The following PIK3IP1 variants were observed in gnomAD, a reference collection of about 807,000 sequenced individuals.
PIK3IP1 encodes phosphoinositide-3-kinase-interacting protein 1.
PIK3IP1 carries 28 observed loss-of-function variants against 30.7 expected under a neutral mutation model. That is an observed-to-expected ratio of 0.91 (90% CI 0.68 to 1.25). PIK3IP1 has a LOEUF of 1.25. PIK3IP1 is among the 50% of genes most tolerant of loss of function. The pLI is 0.00. For missense variants in PIK3IP1, 333 were observed against 346.2 expected, an observed-to-expected ratio of 0.96 and a Z score of 0.30; for synonymous variants, 159 against 140.8, an observed-to-expected ratio of 1.13 and a Z score of -0.91.
chr22:31,286,373 C>T (rs1474027430), intron 5 of PIK3IP1, among the ~76,000 whole-genome samples: 1 of 152,150 alleles, frequency 6.6e-6, no homozygotes, highest in East Asian at 1.9e-4. Flanking sequence ...CACCTGAACC[C>T]ACACTCAACC....
At position 31,291,273 on chromosome 22, in the gene PIK3IP1, G is replaced by A; in HGVS notation, c.94C>T (p.Leu32=). Residue 32 remains leucine, a synonymous_variant, in exon 2 of 6, where the codon CTG becomes TTG. Transcript: ENST00000215912. ...SGGCFWDNGH[L]YREDQTSPAP... ...GGGGAGGTCTGGTCCTCCCGGTACA[G>A]GTGGCCGTTGTCCCAGAAACAGCCT... The A allele has an allele frequency of 6.4e-7, 1 of 1,555,972 alleles. No individual in the cohort carries two copies.
Position 31,281,820 on chromosome 22 carries a change from A to G in PIK3IP1, c.*1264T>C, listed in dbSNP as rs2049091503. On this transcript the variant is annotated 3_prime_UTR_variant, in exon 6 of 6. Coordinates refer to ENST00000215912, the MANE Select transcript of PIK3IP1 (RefSeq NM_052880.5). ...GAAAGCCCCACTAACCCGTCTCCAC[A>G]TTGGGCAGTGGAAGGGTTCTGGAAA... 1 of 152,656 alleles carries G rather than the reference A, an allele frequency of 6.6e-6. No homozygotes were observed. Among genetic ancestry groups the G allele is most frequent in the Non-Finnish European group, 1.5e-5 (1 of 68,046 alleles). The allele number at this position is 152,656 out of a possible 1,614,324, so 9.5% of individuals were successfully genotyped here.
intron 5 of PIK3IP1, among the ~76,000 whole-genome samples, chr22:31,287,022 T>TTC (rs1274641000): frequency 6.9e-6 from 1 of 145,440 alleles, no homozygotes; most frequent in Non-Finnish European, 1.5e-5. Context: ...CACTTTTTTT[T>TTC]TTTTTTTTTT....
At position 31,283,223 on chromosome 22, in the gene PIK3IP1, A is replaced by G. The variant is rs747116792; in HGVS notation, c.653T>C (p.Leu218Pro). ...VCEREMQRIT[L>P]PLSAFTNPTC... ...GGGGTTGGTGAAGGCAGACAAGGGC[A>G]GAGTGATTCGCTGCATCTCCCTCTC... The change falls in exon 6 of 6, where the codon CTG becomes CCG. Residue 218 changes from leucine (L) to proline (P), a missense_variant. Physicochemically the swap from Leu to Pro is moderately conservative, Grantham distance 98 (BLOSUM62 -3). Coordinates refer to ENST00000215912, the MANE Select transcript of PIK3IP1 (RefSeq NM_052880.5). 1.2e-6 allele frequency: 2 copies of G among 1,614,228 alleles called. No individual in the cohort carries two copies.
At position 31,291,079 on chromosome 22, in the gene PIK3IP1, C is replaced by T. The variant is rs202173016; in HGVS notation, c.193G>A (p.Gly65Ser). 2.6e-3 allele frequency: 4,044 copies of T among 1,553,466 alleles called. 43 individuals are homozygous for T. Among genetic ancestry groups the T allele is most frequent in the Middle Eastern group, 0.023 (136 of 5,980 alleles). ...GLASAPVSGA[G>S]NHSYCRNPDE... ...GGGTTTCGGCAGTAACTGTGATTGC[C>T]GGCCCCTAAGAGAGGAGAGAAGGAA... is the stretch of plus-strand genomic sequence containing the variant. The change falls in exon 3 of 6, where the codon GGC (glycine) becomes AGC (serine). Residue 65 changes from glycine to serine, a missense_variant. Physicochemically the swap from Gly to Ser is moderately conservative, Grantham distance 56. This residue lies in a region of PIK3IP1 where 111 missense variants were observed against 100.1 expected (regional missense o/e 1.11). Transcript: ENST00000215912.
chr22:31,286,480 T>C (rs2049131509), intron 5 of PIK3IP1, among the ~76,000 whole-genome samples: 1 of 152,190 alleles, frequency 6.6e-6, no homozygotes, highest in African/African-American at 2.4e-5. Context: ...TGTTGTACAG[T>C]CTGTTCTCAG....
rs368093802 is a variant in PIK3IP1 at position 31,291,360 on chromosome 22, G to GCCCA, written c.71-65_71-64insTGGG. The GCCCA allele has an allele frequency of 6.3e-4, 935 of 1,493,288 alleles. 2 individuals carry two copies. The African/African-American group carries it at 0.01, about 16-fold the overall frequency. The allele number at this position is 1,493,288 out of a possible 1,614,324, so 92.5% of individuals were successfully genotyped here. On this transcript the variant is annotated intron_variant, in intron 1 of 5. Transcript: ENST00000215912. Reference sequence around the variant, plus strand: ...CAGCGAACGGAAGACGCCCAGCGTGGCGGACAGGGGAGCCGGGACCACCCG... The same window carrying GCCCA: ...CAGCGAACGGAAGACGCCCAGCGTGGCCCACGGACAGGGGAGCCGGGACCACCCG...
At position 31,282,040 on chromosome 22, in the gene PIK3IP1, GCTTAATGAGCC is replaced by G. The variant is rs1026422093; in HGVS notation, c.*1033_*1043del. 3.3e-5 allele frequency: 5 copies of G among 152,284 alleles called. No individual in the cohort carries two copies. Among genetic ancestry groups the G allele is most frequent in the East Asian group, 3.9e-4 (2 of 5,190 alleles). The allele number at this position is 152,284 out of a possible 1,614,324, so 9.4% of individuals were successfully genotyped here. A position where few individuals can be genotyped will look rare whatever the true frequency, so the allele number is the denominator to read the frequency against. On this transcript the variant is annotated 3_prime_UTR_variant, in exon 6 of 6. Transcript: ENST00000215912. ...CTCTCTGGGGTCCTGTGTCCAAAAG[GCTTAATGAGCC>G]CTTTCTAATGGTTCTTTGATTGCTT...
chr22:31,289,298 G>A lies in PIK3IP1; in HGVS notation c.587+17C>T, dbSNP rs1261158095. ...CCTCCCCTCCTCCTAAGAGGGCCCA[G>A]AAGAGAAGCTACTGACCTCTTGTAG... On this transcript the variant is annotated intron_variant, in intron 5 of 5. Coordinates refer to ENST00000215912, the MANE Select transcript of PIK3IP1 (RefSeq NM_052880.5). The A allele has an allele frequency of 7.4e-6, 12 of 1,613,518 alleles. No homozygotes were observed. The highest frequency in any genetic ancestry group is 1.0e-5 in the Non-Finnish European group (12 of 1,179,574).
chr22:31,289,782 A>C (rs565227174), intron 3 of PIK3IP1, 83 bp from the exon 4 acceptor site: 1 of 1,423,742 alleles, frequency 7.0e-7, no homozygotes. Flanking sequence ...GTGTTAGGGT[A>C]GATGAAGGTG....
chr22:31,292,497 C>G (rs1224926901), upstream of PIK3IP1: 1 of 629,544 alleles, frequency 1.6e-6, no homozygotes, highest in Non-Finnish European at 2.8e-6. Context: ...CTGGGAGCTT[C>G]CCAGCTAGCT....
At chr22:31,288,420 A>ACGGG (rs147570140) in intron 5 of PIK3IP1, among the ~76,000 whole-genome samples, 1 of 120,172 alleles carries the variant, frequency 8.3e-6, no homozygotes, top group Non-Finnish European at 1.9e-5. Flanking sequence ...GGAAGGAAGG[A>ACGGG]AGGGAGGGAG....
chr22:31,286,830 G>C (rs1238081797), intron 5 of PIK3IP1, among the ~76,000 whole-genome samples: 1 of 152,144 alleles, frequency 6.6e-6, no homozygotes, highest in African/African-American at 2.4e-5. Flanking sequence ...TGTAAGGCCA[G>C]GGCCACTATG....
chr22:31,292,183 T>A, intron 1 of PIK3IP1, 92 bp downstream of exon 1: 1 of 1,303,702 alleles, frequency 7.7e-7, no homozygotes. Flanking sequence ...AAACGCTTCG[T>A]TTCCTGTCAT....
At chr22:31,290,700 G>A (rs747228083) in intron 3 of PIK3IP1, 3 of 455,020 alleles carry the variant, frequency 6.6e-6, no homozygotes, top group East Asian at 4.0e-5. Flanking sequence ...CCACTCCTCA[G>A]GACGCGCGGC....
At chr22:31,286,453 G>A (rs1285452100) in intron 5 of PIK3IP1, among the ~76,000 whole-genome samples, 6 of 152,190 alleles carry the variant, frequency 3.9e-5, no homozygotes, top group Non-Finnish European at 8.8e-5. Context: ...TTGTTTTTAA[G>A]CCCACATGCG....
At chr22:31,290,599 G>A (rs938337647) in intron 3 of PIK3IP1, 1 of 200,000 alleles carries the variant, frequency 5.0e-6, no homozygotes, top group South Asian at 1.5e-4. Flanking sequence ...TGTGTGTCAG[G>A]GGAGGTTGGG....
At chr22:31,289,432 C>T (rs773072802) in intron 4 of PIK3IP1, 39 bp from the exon 5 acceptor site, 1 of 1,573,822 alleles carries the variant, frequency 6.4e-7, no homozygotes. Flanking sequence ...TAGCCACACC[C>T]TAGACAATCA....
intron 3 of PIK3IP1, chr22:31,290,695 C>T: frequency 2.2e-6 from 1 of 444,960 alleles, no homozygotes; most frequent in East Asian, 4.1e-5. Context: ...AAAAGCCACT[C>T]CTCAGGACGC....
Sources: allele counts gnomAD v4.1 joint callset (sites outside exome capture counted in the v4.1 genomes callset), GRCh38; gene constraint gnomAD v4.1.1; regional missense constraint gnomAD v4.1.1; transcripts MANE v1.5; gene names NCBI Gene and HGNC (gene_info 2026-07-23, HGNC 2026-07-21).